THADA: variants seen among roughly 807,000 people sequenced by gnomAD.
The protein encoded by THADA is THADA armadillo repeat containing, also known as tRNA (32-2'-O)-methyltransferase regulator THADA.
THADA carries 213 observed loss-of-function variants against 219.8 expected under a neutral mutation model. The ratio of observed to expected loss-of-function variants is 0.97; its 90% confidence interval spans 0.87 to 1.09. THADA has a LOEUF of 1.09. Among genes scored for constraint, THADA ranks in the 50% least tolerant of loss-of-function variants. The pLI, the probability that THADA is intolerant of heterozygous loss-of-function variation, is 0.00. For missense variants in THADA, 2,956 were observed against 2,311.3 expected, an observed-to-expected ratio of 1.28 and a Z score of -5.72; for synonymous variants, 1,018 against 828.9, an observed-to-expected ratio of 1.23 and a Z score of -3.92.
At chr2:43,494,832 C>G (rs1013995196) in intron 25 of THADA, among the ~76,000 whole-genome samples, 22 of 152,250 alleles carry the variant, frequency 1.4e-4, no homozygotes, top group African/African-American at 5.1e-4. Context: ...TACTAGGTAG[C>G]AAAGTTTGAG....
At chr2:43,466,745 T>C (rs1458932210) in intron 26 of THADA, among the ~76,000 whole-genome samples, 3 of 152,134 alleles carry the variant, frequency 2.0e-5, no homozygotes, top group African/African-American at 4.8e-5. Flanking sequence ...CTAAGAGATA[T>C]TTTCCCCATT....
intron 29 of THADA, among the ~76,000 whole-genome samples, chr2:43,377,358 T>C (rs1558661971): frequency 6.6e-6 from 1 of 152,070 alleles, no homozygotes; most frequent in African/African-American, 2.4e-5. Flanking sequence ...AGGTGACATA[T>C]GATGTTTCCC....
chr2:43,332,650 A>C (rs1445789010), intron 30 of THADA, among the ~76,000 whole-genome samples: 1 of 152,224 alleles, frequency 6.6e-6, no homozygotes, highest in African/African-American at 2.4e-5. Context: ...TTAGGGCTTT[A>C]CATAATATTA....
chr2:43,404,414 T>C (rs1675280389), intron 28 of THADA, among the ~76,000 whole-genome samples: 1 of 149,492 alleles, frequency 6.7e-6, no homozygotes, highest in Non-Finnish European at 1.5e-5. Flanking sequence ...CAGGGTCTCA[T>C]ACACCTGGCC....
At chr2:43,581,423 C>G (rs556622006) in intron 8 of THADA, among the ~76,000 whole-genome samples, 4 of 151,896 alleles carry the variant, frequency 2.6e-5, no homozygotes, top group African/African-American at 9.7e-5. Context: ...CCCAGCTACT[C>G]AGAAGCGGAG....
intron 35 of THADA, among the ~76,000 whole-genome samples, chr2:43,280,953 A>G (rs1452142862): frequency 6.6e-6 from 1 of 152,266 alleles, no homozygotes; most frequent in Non-Finnish European, 1.5e-5. Context: ...CACAGAATTC[A>G]TGACGAAAGT....
intron 36 of THADA, among the ~76,000 whole-genome samples, chr2:43,253,427 C>A (rs896765219): frequency 2.6e-5 from 4 of 152,172 alleles, no homozygotes; most frequent in Non-Finnish European, 5.9e-5. Context: ...AAAGGTGGCT[C>A]TAACCTCCCA....
intron 31 of THADA, among the ~76,000 whole-genome samples, chr2:43,300,768 A>C (rs778403725): frequency 2.0e-5 from 3 of 152,214 alleles, no homozygotes; most frequent in Admixed American, 6.5e-5. Flanking sequence ...ACATTCATTT[A>C]GGCACTTTCT....
chr2:43,351,317 T>A (rs1383204370), intron 29 of THADA, among the ~76,000 whole-genome samples: 1 of 152,200 alleles, frequency 6.6e-6, no homozygotes, highest in Non-Finnish European at 1.5e-5. Context: ...TACGAACCTA[T>A]TCTGTGGCCA....
chr2:43,423,468 T>C (rs1264665897), intron 28 of THADA, among the ~76,000 whole-genome samples: 2 of 151,550 alleles, frequency 1.3e-5, no homozygotes, highest in African/African-American at 4.8e-5. Context: ...AGTCTTGCTC[T>C]GTCACTCAGG....
intron 20 of THADA, among the ~76,000 whole-genome samples, chr2:43,542,150 T>C (rs915442544): frequency 4.2e-4 from 64 of 152,324 alleles, no homozygotes; most frequent in African/African-American, 1.4e-3. Context: ...AACTATTATA[T>C]TAAATAAAAG....
intron 10 of THADA, among the ~76,000 whole-genome samples, chr2:43,576,417 T>A (rs1417559099): frequency 6.6e-6 from 1 of 152,204 alleles, no homozygotes; most frequent in African/African-American, 2.4e-5. Context: ...ATTAGCAATA[T>A]GGTCTCAGGT....
chr2:43,375,471 A>G (rs1026395230), intron 29 of THADA, among the ~76,000 whole-genome samples: 1 of 152,208 alleles, frequency 6.6e-6, no homozygotes, highest in African/African-American at 2.4e-5. Flanking sequence ...TGATAAGTAT[A>G]CTTGGGGTCC....
At chr2:43,554,214 T>A (rs1175696371) in intron 17 of THADA, among the ~76,000 whole-genome samples, 1 of 152,216 alleles carries the variant, frequency 6.6e-6, no homozygotes, top group Non-Finnish European at 1.5e-5. Flanking sequence ...ACATCTATGT[T>A]TTCTTCCAAG....
chr2:43,476,294 T>C (rs1448146907), intron 26 of THADA, among the ~76,000 whole-genome samples: 2 of 152,198 alleles, frequency 1.3e-5, no homozygotes, highest in African/African-American at 2.4e-5. Context: ...GTATTGTGCC[T>C]AGACACTGCA....
intron 29 of THADA, chr2:43,372,373 T>C (rs942409318): frequency 2.6e-5 from 4 of 152,224 alleles, no homozygotes; most frequent in Admixed American, 2.0e-4. Context: ...TACATTTTTG[T>C]AGTACATGTG....
chr2:43,405,286 T>C (rs1352824438), intron 28 of THADA, among the ~76,000 whole-genome samples: 1 of 152,230 alleles, frequency 6.6e-6, no homozygotes, highest in Non-Finnish European at 1.5e-5. Flanking sequence ...GGAAAACATA[T>C]ATGTGTGGGT....
At chr2:43,453,781 T>C (rs1248931237) in intron 26 of THADA, among the ~76,000 whole-genome samples, 4 of 152,214 alleles carry the variant, frequency 2.6e-5, no homozygotes, top group Non-Finnish European at 4.4e-5. Flanking sequence ...CCCTTACATA[T>C]GTGTTTCCGC....
At chr2:43,364,371 A>C (rs1249214627) in intron 29 of THADA, among the ~76,000 whole-genome samples, 1 of 152,206 alleles carries the variant, frequency 6.6e-6, no homozygotes, top group Admixed American at 6.5e-5. Context: ...CCCCAGCACT[A>C]CTAACGTTCC....
Sources: gnomAD v4.1 joint callset for allele counts (sites outside exome capture counted in the v4.1 genomes callset) on GRCh38, gnomAD v4.1.1 for gene constraint, MANE v1.5 for transcripts, NCBI Gene and HGNC (gene_info 2026-07-23, HGNC 2026-07-21) for gene names.